GPC5: variants seen among roughly 807,000 people sequenced by gnomAD.
GPC5 encodes the protein glypican 5.
GPC5 carries 47 observed loss-of-function variants against 53.9 expected under a neutral mutation model. That is an observed-to-expected ratio of 0.87 (90% confidence interval 0.69 to 1.11). The LOEUF is 1.11. Ranked by LOEUF, GPC5 falls within the 50% of genes most tolerant of loss-of-function variation. The probability of loss-of-function intolerance (pLI) is 0.00; values close to 1 mark genes in which losing one functional copy is unlikely to be tolerated. For missense variants in GPC5, 748 were observed against 713.1 expected (o/e 1.05, Z -0.56); for synonymous variants, 286 against 263.3 (o/e 1.09, Z -0.84).
At chr13:92,402,810 C>T (rs1225199365) in intron 7 of GPC5, among the ~76,000 whole-genome samples, 1 of 152,174 alleles carries the variant, frequency 6.6e-6, no homozygotes, top group South Asian at 2.1e-4. Flanking sequence ...CTTGAGTTAA[C>T]TGTGCTCATT....
intron 5 of GPC5, among the ~76,000 whole-genome samples, chr13:91,793,332 C>G (rs541228571): frequency 6.6e-6 from 1 of 152,080 alleles, no homozygotes; most frequent in African/African-American, 2.4e-5. Flanking sequence ...CTGCCCATTC[C>G]GGGTCCCTCC....
chr13:91,876,348 G>A (rs190601329), intron 5 of GPC5, among the ~76,000 whole-genome samples: 7 of 152,278 alleles, frequency 4.6e-5, no homozygotes, highest in Admixed American at 4.6e-4. Flanking sequence ...GGAAAATGTG[G>A]GAAAGTTTGG....
intron 7 of GPC5, among the ~76,000 whole-genome samples, chr13:92,325,761 T>C (rs1307614725): frequency 6.6e-6 from 1 of 152,078 alleles, no homozygotes; most frequent in Non-Finnish European, 1.5e-5. Flanking sequence ...AAAATCTTTA[T>C]GATTTCATTT....
chr13:91,720,204 T>C (rs909288157), intron 3 of GPC5, among the ~76,000 whole-genome samples: 1 of 152,188 alleles, frequency 6.6e-6, no homozygotes. Context: ...ATTCCGTGAA[T>C]GATTTGTGTA....
In GPC5 at chr13:92,044,815, T is replaced by A. The variant is rs564667425; in HGVS notation, c.1402-100015T>A. Among the ~76,000 whole-genome samples, 132 of 151,896 alleles carry A rather than the reference T, an allele frequency of 8.7e-4. 1 individual carries two copies. The Middle Eastern group carries it at 0.034, about 39-fold the overall frequency. Reference sequence around the variant, plus strand: ...AATTCCTAGTATTTTCCTAAGAGAGTTTTTAATAGAAATTTTTCTTTGAAT... The same window carrying A: ...AATTCCTAGTATTTTCCTAAGAGAGATTTTAATAGAAATTTTTCTTTGAAT... On this transcript the variant is annotated intron_variant, in intron 6 of 7. Transcript: ENST00000377067.
At chr13:91,910,694 A>G (rs1197010593) in intron 6 of GPC5, among the ~76,000 whole-genome samples, 1 of 152,174 alleles carries the variant, frequency 6.6e-6, no homozygotes, top group Non-Finnish European at 1.5e-5. Context: ...GGAAATAGAT[A>G]AAGATTTTTA....
chr13:92,366,931 A>C (rs2043611878), intron 7 of GPC5, among the ~76,000 whole-genome samples: 2 of 152,228 alleles, frequency 1.3e-5, no homozygotes, highest in African/African-American at 4.8e-5. Context: ...AAAATATTTA[A>C]TTTGCAGATT....
rs73614542 is a variant in GPC5, at chr13:91,575,622, G to T, written c.326-117565G>T. ...AAAAGTTTTACTGATGCTGTATGAC[G>T]TTTAATTCAATAGCCTGCAGCTTTT... On this transcript the variant is annotated intron_variant, in intron 2 of 7. Transcript: ENST00000377067. Among the ~76,000 whole-genome samples the T allele has an allele frequency of 4.7e-3, 717 of 152,106 alleles. 4 individuals are homozygous for T. The highest frequency in any genetic ancestry group is 0.016 in the African/African-American group (684 of 41,526).
At chr13:91,665,505 C>CTCTTTTTTTTTTTTTCT (rs1555335534) in intron 2 of GPC5, among the ~76,000 whole-genome samples, 2 of 146,132 alleles carry the variant, frequency 1.4e-5, no homozygotes, top group African/African-American at 5.2e-5. Context: ...AAAAGCCAGT[C>CTCTTTTTTTTTTTTTCT]TTTTTTTTTT....
chr13:91,537,576 T>C (rs190762273), intron 2 of GPC5, among the ~76,000 whole-genome samples: 1 of 152,330 alleles, frequency 6.6e-6, no homozygotes, highest in East Asian at 1.9e-4. Flanking sequence ...GCTTTCATGA[T>C]GAATGCTTCC....
chr13:92,055,924 C>A (rs576915342), intron 6 of GPC5, among the ~76,000 whole-genome samples: 1 of 152,180 alleles, frequency 6.6e-6, no homozygotes, highest in East Asian at 1.9e-4. Flanking sequence ...AGTTTAATAG[C>A]ATTATTGTAG....
intron 2 of GPC5, among the ~76,000 whole-genome samples, chr13:91,572,362 G>A (rs982422047): frequency 2.0e-5 from 3 of 151,656 alleles, no homozygotes; most frequent in African/African-American, 7.3e-5. Flanking sequence ...TGTTCGTTTT[G>A]TGTTGTTACA....
chr13:91,815,124 G>A (rs80089620), intron 5 of GPC5, among the ~76,000 whole-genome samples: 12,427 of 152,108 alleles, frequency 0.082, 927 homozygotes, highest in East Asian at 0.22. Context: ...CCAGCACTTT[G>A]GGAGGACAAA....
At chr13:92,061,366 T>A (rs1026889208) in intron 6 of GPC5, among the ~76,000 whole-genome samples, 2 of 151,982 alleles carry the variant, frequency 1.3e-5, no homozygotes, top group South Asian at 4.1e-4. Flanking sequence ...AATATGTGGT[T>A]TACAACAAAA....
chr13:92,216,197 G>A (rs1490210205), intron 7 of GPC5, among the ~76,000 whole-genome samples: 1 of 152,116 alleles, frequency 6.6e-6, no homozygotes, highest in Non-Finnish European at 1.5e-5. Flanking sequence ...TTCCTTTCCA[G>A]GAACTTACAC....
rs147583567 is a variant in GPC5, at chr13:92,556,058, C to T, written c.1562-310224C>T. Among the ~76,000 whole-genome samples the T allele has an allele frequency of 4.7e-3, 719 of 151,790 alleles. 5 individuals are homozygous for T. Among genetic ancestry groups the T allele is most frequent in the African/African-American group, 0.016 (682 of 41,476 alleles). ...TTATTCATGAGTAGATATTTTTATA[C>T]TCCCCTTTATTTCCTGTAAATTGAG... On this transcript the variant is annotated intron_variant, in intron 7 of 7. Coordinates refer to ENST00000377067, the MANE Select transcript of GPC5 (RefSeq NM_004466.6).
At chr13:91,701,611 G>T (rs2035993963) in intron 3 of GPC5, among the ~76,000 whole-genome samples, 1 of 151,518 alleles carries the variant, frequency 6.6e-6, no homozygotes, top group African/African-American at 2.4e-5. Context: ...TTATTCCATA[G>T]GTTCTCTCTA....
chr13:91,677,066 G>C (rs1006812844), intron 2 of GPC5, among the ~76,000 whole-genome samples: 1 of 152,170 alleles, frequency 6.6e-6, no homozygotes, highest in Non-Finnish European at 1.5e-5. Flanking sequence ...AACAAGTGTG[G>C]ACTGCAACAT....
chr13:92,209,179 A>T (rs991027156), intron 7 of GPC5, among the ~76,000 whole-genome samples: 17 of 152,226 alleles, frequency 1.1e-4, no homozygotes, highest in Non-Finnish European at 2.1e-4. Context: ...GTATTGCTTA[A>T]ATCTCTGTCA....
Sources: gnomAD v4.1 joint callset for allele counts (sites outside exome capture counted in the v4.1 genomes callset) on GRCh38, gnomAD v4.1.1 for gene constraint, MANE v1.5 for transcripts, NCBI Gene and HGNC (gene_info 2026-07-23, HGNC 2026-07-21) for gene names.